Variants in ARSB observed in about 807,000 individuals in gnomAD.
ARSB encodes the protein arylsulfatase B.
ARSB carries 41 observed loss-of-function variants against 50.9 expected under a neutral mutation model. The ratio of observed to expected loss-of-function variants is 0.81; its 90% CI spans 0.63 to 1.04. ARSB has a LOEUF of 1.04. ARSB is among the 50% of genes least tolerant of loss of function. The pLI is 0.00. For synonymous variants in ARSB, 269 were observed against 284.8 expected, an observed-to-expected ratio of 0.94 and a Z score of 0.56; for missense variants, 672 against 693.3, an observed-to-expected ratio of 0.97 and a Z score of 0.35.
chr5:78,961,059 C>T (rs1453972718), intron 3 of ARSB, among the ~76,000 whole-genome samples: 1 of 152,132 alleles, frequency 6.6e-6, no homozygotes, highest in East Asian at 1.9e-4. Flanking sequence ...CCTCCAAATG[C>T]TTTTTTCCTC....
At chr5:78,979,993 T>G (rs566933711) in intron 1 of ARSB, among the ~76,000 whole-genome samples, 1 of 152,186 alleles carries the variant, frequency 6.6e-6, no homozygotes, top group African/African-American at 2.4e-5. Flanking sequence ...TGCTACAACA[T>G]AGATGAAAGG....
Position 78,985,078 on chromosome 5 carries a change from C to A in ARSB, c.171G>T (p.Trp57Cys). 6.5e-7 allele frequency: 1 copy of A among 1,544,284 alleles called. No individual in the cohort carries two copies. The highest frequency in any genetic ancestry group is 8.7e-7 in the Non-Finnish European group (1 of 1,147,190). Residue 57 changes from tryptophan to cysteine, a missense_variant, in exon 1 of 8, where the codon TGG (tryptophan) becomes TGT (cysteine). Physicochemically the swap from Trp to Cys is radical, Grantham distance 215. Coordinates refer to ENST00000264914, the MANE Select transcript of ARSB (RefSeq NM_000046.5). ...GGGAGCCGTGGAAGCCGACGTCGTT[C>A]CAGCCTAGGTCGTCTGCCAGCAAGA... ...LVFLLADDLG[W>C]NDVGFHGSRI...
intron 4 of ARSB, among the ~76,000 whole-genome samples, chr5:78,905,370 AT>A (rs1465505391): frequency 9.5e-6 from 1 of 105,744 alleles, no homozygotes; most frequent in Non-Finnish European, 2.0e-5. Flanking sequence ...ATAATGAGTA[AT>A]TTTGGACTGT....
At chr5:78,865,701 T>C (rs1363281053) in intron 5 of ARSB, among the ~76,000 whole-genome samples, 1 of 152,224 alleles carries the variant, frequency 6.6e-6, no homozygotes, top group African/African-American at 2.4e-5. Context: ...ACTGAATGCC[T>C]TTAACAGAAC....
chr5:78,878,324 C>T (rs544683799), intron 5 of ARSB, among the ~76,000 whole-genome samples: 4 of 152,006 alleles, frequency 2.6e-5, no homozygotes, highest in African/African-American at 9.6e-5. Context: ...GAAGGACAGG[C>T]CGATAACCAT....
chr5:78,868,696 C>T (rs1377918461), intron 5 of ARSB, among the ~76,000 whole-genome samples: 30 of 144,478 alleles, frequency 2.1e-4, no homozygotes, highest in Middle Eastern at 3.4e-3. Context: ...CGGTACCAGC[C>T]GCTGCAAAAT....
intron 6 of ARSB, among the ~76,000 whole-genome samples, chr5:78,785,356 A>G (rs1749048967): frequency 6.6e-6 from 1 of 152,168 alleles, no homozygotes; most frequent in South Asian, 2.1e-4. Context: ...AATGCTCTGT[A>G]TATCATTTAG....
intron 1 of ARSB, among the ~76,000 whole-genome samples, chr5:78,974,884 GA>G (rs1306253923): frequency 6.6e-6 from 1 of 152,172 alleles, no homozygotes; most frequent in African/African-American, 2.4e-5. Flanking sequence ...GTGCTTTAGT[GA>G]GGCCATCTTG....
intron 5 of ARSB, among the ~76,000 whole-genome samples, chr5:78,847,012 T>C: frequency 6.6e-6 from 1 of 152,328 alleles, no homozygotes; most frequent in African/African-American, 2.4e-5. Flanking sequence ...GATGGTCATG[T>C]GGTTTTTATA....
At chr5:78,923,648 T>G (rs1383618712) in intron 4 of ARSB, among the ~76,000 whole-genome samples, 1 of 152,226 alleles carries the variant, frequency 6.6e-6, no homozygotes, top group Non-Finnish European at 1.5e-5. Context: ...CCTCACATTC[T>G]GGAAAAGACT....
chr5:78,857,188 A>G (rs1746191508), intron 5 of ARSB, among the ~76,000 whole-genome samples: 1 of 152,238 alleles, frequency 6.6e-6, no homozygotes, highest in Non-Finnish European at 1.5e-5. Context: ...CTTGCTGGCA[A>G]GTGCTCCCTT....
intron 6 of ARSB, among the ~76,000 whole-genome samples, chr5:78,830,530 T>A (rs1581012678): frequency 6.6e-6 from 1 of 152,274 alleles, no homozygotes; most frequent in East Asian, 1.9e-4. Context: ...GCTGTGGATT[T>A]GGTTTGGTTT....
intron 4 of ARSB, among the ~76,000 whole-genome samples, chr5:78,922,670 A>C (rs1424512543): frequency 6.6e-6 from 1 of 150,426 alleles, no homozygotes; most frequent in East Asian, 2.0e-4. Flanking sequence ...TGAGAAAAGG[A>C]GAGGGAATTG....
chr5:78,801,972 A>T (rs2112646627), intron 6 of ARSB, among the ~76,000 whole-genome samples: 1 of 152,202 alleles, frequency 6.6e-6, no homozygotes, highest in East Asian at 1.9e-4. Context: ...GCGTTATCTT[A>T]ACTAATCTGT....
At chr5:78,945,056 T>TGGGCGTAGGACCCTCTGAGCC (rs1201215187) in intron 4 of ARSB, among the ~76,000 whole-genome samples, 1 of 152,194 alleles carries the variant, frequency 6.6e-6, no homozygotes, top group Non-Finnish European at 1.5e-5. Context: ...CGAGGCTCCA[T>TGGGCGTAGGACCCTCTGAGCC]GGGCGTAGGA....
intron 5 of ARSB, among the ~76,000 whole-genome samples, chr5:78,849,720 A>G (rs1745656764): frequency 6.9e-6 from 1 of 145,640 alleles, no homozygotes; most frequent in Non-Finnish European, 1.5e-5. Context: ...ATTTGTTTGT[A>G]TCCTCTTTTA....
chr5:78,851,883 C>T (rs1268053946), intron 5 of ARSB, among the ~76,000 whole-genome samples: 4 of 151,840 alleles, frequency 2.6e-5, no homozygotes, highest in African/African-American at 9.7e-5. Flanking sequence ...GGATTGCAAC[C>T]CCTGCCTTTT....
chr5:78,858,589 T>C (rs1215621767), intron 5 of ARSB, among the ~76,000 whole-genome samples: 2 of 152,342 alleles, frequency 1.3e-5, no homozygotes, highest in Middle Eastern at 3.4e-3. Context: ...TTACATTCCA[T>C]ACTTCTTTTA....
rs757662360 is a variant in ARSB at position 78,829,137 on chromosome 5, C to T, written c.1213+10219G>A. 1.2e-4 allele frequency among the ~76,000 whole-genome samples: 18 copies of T among 152,340 alleles called. No homozygotes were observed. The East Asian group carries it at 2.5e-3, about 21-fold the overall frequency. On this transcript the variant is annotated intron_variant, in intron 6 of 7. Coordinates refer to ENST00000264914, the MANE Select transcript of ARSB (RefSeq NM_000046.5). Reference sequence around the variant, plus strand: ...TGGAAGGGACTGCAGCCCTGCCAATCGGTACCCTGGATTTAGTCCAGTGAG... The same window carrying T: ...TGGAAGGGACTGCAGCCCTGCCAATTGGTACCCTGGATTTAGTCCAGTGAG...
Sources: allele counts gnomAD v4.1 joint callset (sites outside exome capture counted in the v4.1 genomes callset), GRCh38; gene constraint gnomAD v4.1.1; transcripts MANE v1.5; gene names NCBI Gene and HGNC (gene_info 2026-07-23, HGNC 2026-07-21).